Variants in SCUBE1 observed in about 807,000 individuals in gnomAD.
The protein encoded by SCUBE1 is signal peptide, CUB and EGF-like domain-containing protein 1.
A neutral mutation model predicts 124.4 loss-of-function variants in SCUBE1; 59 were observed. The observed-to-expected ratio is 0.47, with a 90% CI of 0.38 to 0.59. SCUBE1 has a LOEUF of 0.59. Ranked by LOEUF, SCUBE1 falls within the 20% of genes least tolerant of loss-of-function variation. The probability of loss-of-function intolerance (pLI) is 0.00; values close to 1 mark genes in which losing one functional copy is unlikely to be tolerated. For synonymous variants in SCUBE1, 545 were observed against 550.9 expected (o/e 0.99, Z 0.15); for missense variants, 1,150 against 1,371.2 (o/e 0.84, Z 2.55).
At chr22:43,284,946 G>A (rs1486152974) in intron 4 of SCUBE1, among the ~76,000 whole-genome samples, 1 of 152,100 alleles carries the variant, frequency 6.6e-6, no homozygotes, top group African/African-American at 2.4e-5. Flanking sequence ...GCCTGTGGAG[G>A]GAGGGCAATG....
chr22:43,341,905 A>T (rs1264472796), intron 1 of SCUBE1, among the ~76,000 whole-genome samples: 1 of 152,042 alleles, frequency 6.6e-6, no homozygotes. Flanking sequence ...AGGTGGGGAT[A>T]GGCACGCCCA....
At chr22:43,340,481 TACACACACACACAC>T (rs3047392) in intron 1 of SCUBE1, among the ~76,000 whole-genome samples, 3,026 of 136,102 alleles carry the variant, frequency 0.022, 99 homozygotes, top group African/African-American at 0.072. Flanking sequence ...TTGTCTCTTT[TACACACACACACAC>T]ACACACACAC....
Position 43,198,770 on chromosome 22 carries a change from T to TGGCAGGCAAGGTG in SCUBE1, c.*5214_*5226dup, listed in dbSNP as rs1358336152. 7 of 452,724 alleles carry TGGCAGGCAAGGTG rather than the reference T, an allele frequency of 1.5e-5. No individual in the cohort carries two copies. Among genetic ancestry groups the TGGCAGGCAAGGTG allele is most frequent in the Admixed American group, 2.4e-5 (1 of 42,450 alleles). The allele number at this position is 452,724 out of a possible 1,614,324, so 28.0% of individuals were successfully genotyped here. A position where few individuals can be genotyped will look rare whatever the true frequency, so the allele number is the denominator to read the frequency against. ...GCTTCTCCCTGTGGGGCATGCACTGTGGCAGGCAAGGTGAGCAGGCTGTCC... is the reference window on the plus strand; with the variant it reads ...GCTTCTCCCTGTGGGGCATGCACTGTGGCAGGCAAGGTGGGCAGGCAAGGTGAGCAGGCTGTCC... On this transcript the variant is annotated 3_prime_UTR_variant, in exon 22 of 22. Coordinates refer to ENST00000360835, the MANE Select transcript of SCUBE1 (RefSeq NM_173050.5).
In SCUBE1 at chr22:43,202,734, C is replaced by T. The variant is rs942828129; in HGVS notation, c.*1263G>A. 5 of 152,236 alleles carry T rather than the reference C, an allele frequency of 3.3e-5. No individual in the cohort carries two copies. The highest frequency in any genetic ancestry group is 1.2e-4 in the African/African-American group (5 of 41,444). The allele number at this position is 152,236 out of a possible 1,614,324, so 9.4% of individuals were successfully genotyped here. ...AAATGTGAGTCAATTCAACCTCTTT[C>T]CTTTATAGGAAGGAAAGAGGTTTCC... On this transcript the variant is annotated 3_prime_UTR_variant, in exon 22 of 22. Transcript: ENST00000360835.
At chr22:43,273,111 C>T (rs569517375) in intron 4 of SCUBE1, among the ~76,000 whole-genome samples, 3 of 152,338 alleles carry the variant, frequency 2.0e-5, no homozygotes, top group East Asian at 1.9e-4. Flanking sequence ...GGGCTGAGAC[C>T]GAGGAGGAAG....
chr22:43,218,268 C>T lies in SCUBE1; in HGVS notation c.1878G>A (p.Gln626=). The T allele has an allele frequency of 6.2e-7, 1 of 1,613,140 alleles. No individual in the cohort carries two copies. Among genetic ancestry groups the T allele is most frequent in the Non-Finnish European group, 8.5e-7 (1 of 1,180,014 alleles). The change falls in exon 15 of 22, where the codon CAG becomes CAA. Residue 626 remains glutamine, a synonymous_variant. Transcript: ENST00000360835. ...QGACGAGQVL[Q]DSKCVACGPG... is the part of the protein sequence containing the mutation. ...GCAAGGACTCACCGCATTTGCTGTC[C>T]TGTAGCACCTGGCCTGCGCCACATG...
In SCUBE1 at chr22:43,198,816, T is replaced by C; in HGVS notation, c.*5181A>G. The C allele has an allele frequency of 2.4e-6, 1 of 424,160 alleles. No individual in the cohort carries two copies. Among genetic ancestry groups the C allele is most frequent in the South Asian group, 1.7e-5 (1 of 58,276 alleles). The allele number at this position is 424,160 out of a possible 1,614,324, so 26.3% of individuals were successfully genotyped here. Reference sequence around the variant, plus strand: ...TGTCCAGGGCAGCTTGTCTGCTGTCTGGGGCAGGGTGTCTGTCTATCTGCT... The same window carrying C: ...TGTCCAGGGCAGCTTGTCTGCTGTCCGGGGCAGGGTGTCTGTCTATCTGCT... On this transcript the variant is annotated 3_prime_UTR_variant, in exon 22 of 22. Coordinates refer to ENST00000360835, the MANE Select transcript of SCUBE1 (RefSeq NM_173050.5).
At chr22:43,223,816 C>T (rs968976603) in intron 10 of SCUBE1, among the ~76,000 whole-genome samples, 4 of 152,244 alleles carry the variant, frequency 2.6e-5, no homozygotes, top group Non-Finnish European at 2.9e-5. Context: ...CTCTGAAAGC[C>T]ACCTCATGAG....
At chr22:43,293,650 T>C (rs1925454902) in intron 3 of SCUBE1, among the ~76,000 whole-genome samples, 2 of 152,226 alleles carry the variant, frequency 1.3e-5, no homozygotes, top group African/African-American at 4.8e-5. Context: ...TGTGCTGGCA[T>C]ACACTTAACA....
At chr22:43,257,048 A>T (rs1923687317) in intron 6 of SCUBE1, among the ~76,000 whole-genome samples, 1 of 152,280 alleles carries the variant, frequency 6.6e-6, no homozygotes, top group Non-Finnish European at 1.5e-5. Context: ...GAAATAAAAA[A>T]TGGTTGTCTG....
chr22:43,340,167 T>C (rs1348198075), intron 1 of SCUBE1, among the ~76,000 whole-genome samples: 1 of 151,808 alleles, frequency 6.6e-6, no homozygotes, highest in Non-Finnish European at 1.5e-5. Context: ...ATTCATCATC[T>C]GGCTTCCACG....
At chr22:43,332,604 C>G (rs1244271143) in intron 2 of SCUBE1, among the ~76,000 whole-genome samples, 1 of 152,170 alleles carries the variant, frequency 6.6e-6, no homozygotes, top group Non-Finnish European at 1.5e-5. Flanking sequence ...GCTGGGAGGC[C>G]TGGCTAGAGA....
chr22:43,293,269 G>A (rs780869241), intron 3 of SCUBE1, among the ~76,000 whole-genome samples: 9 of 152,238 alleles, frequency 5.9e-5, no homozygotes, highest in Non-Finnish European at 1.2e-4. Context: ...GCAGGCCCAC[G>A]CGATCCTCAC....
intron 4 of SCUBE1, among the ~76,000 whole-genome samples, chr22:43,275,302 G>A (rs369976474): frequency 5.3e-4 from 80 of 152,372 alleles, no homozygotes; most frequent in African/African-American, 1.5e-3. Context: ...AAACCACGAC[G>A]CGCTGGGCGT....
intron 4 of SCUBE1, among the ~76,000 whole-genome samples, chr22:43,269,815 T>C (rs1045188375): frequency 3.3e-5 from 5 of 151,664 alleles, no homozygotes; most frequent in African/African-American, 9.7e-5. Context: ...CCCACCAACG[T>C]TGAAGGGGGG....
intron 6 of SCUBE1, among the ~76,000 whole-genome samples, chr22:43,253,885 C>A (rs1923557968): frequency 1.3e-5 from 2 of 152,212 alleles, no homozygotes; most frequent in South Asian, 4.1e-4. Flanking sequence ...GTAAGTGAGA[C>A]CGAGGGCCCT....
In SCUBE1 at chr22:43,210,795, C is replaced by T. The variant is rs544338886; in HGVS notation, c.2383+127G>A. ...TGGATGCAATGCACCCGAGAGCAGA[C>T]GGGACGGAGCGGGAGGAGTCCAGTG... is the stretch of plus-strand genomic sequence containing the variant. On this transcript the variant is annotated intron_variant, in intron 18 of 21. Transcript: ENST00000360835. This position sits in a 1 kb window ranked among gnomAD's most constrained non-coding sequence, Gnocchi z 4.5. The T allele has an allele frequency of 1.9e-5, 22 of 1,136,716 alleles. No individual in the cohort carries two copies. Among genetic ancestry groups the T allele is most frequent in the African/African-American group, 3.0e-5 (2 of 65,860 alleles). 70.4% of individuals were successfully genotyped at this position (1,136,716 alleles called of 1,614,324 possible).
chr22:43,236,573 G>C (rs1022768800), intron 7 of SCUBE1, among the ~76,000 whole-genome samples: 1 of 152,156 alleles, frequency 6.6e-6, no homozygotes, highest in South Asian at 2.1e-4. Flanking sequence ...GGTAGCCCTG[G>C]GCCTTGCGCC....
At position 43,343,241 on chromosome 22, in the gene SCUBE1, G is replaced by A; in HGVS notation, c.21C>T (p.Arg7=). 1.7e-6 allele frequency: 2 copies of A among 1,192,292 alleles called. No individual in the cohort carries two copies. The highest frequency in any genetic ancestry group is 2.7e-5 in the South Asian group (1 of 37,164). 73.9% of individuals were successfully genotyped at this position (1,192,292 alleles called of 1,614,324 possible). MGAAAV[R]WHLCVLLALG... ...GGGCCAGCAGCACGCACAAGTGCCA[G>A]CGCACGGCCGCCGCGCCCATGCTCA... is the stretch of plus-strand genomic sequence containing the variant. Residue 7 remains arginine (R), a synonymous_variant, in exon 1 of 22, where the codon CGC becomes CGT. Transcript: ENST00000360835.
Sources: allele counts gnomAD v4.1 joint callset (sites outside exome capture counted in the v4.1 genomes callset), GRCh38; gene constraint gnomAD v4.1.1; non-coding constraint Gnocchi (gnomAD v3.1); transcripts MANE v1.5; gene names NCBI Gene and HGNC (gene_info 2026-07-23, HGNC 2026-07-21).